Variants in MSH5 observed in about 807,000 individuals in gnomAD.
MSH5 encodes the protein mutS protein homolog 5.
In MSH5, 78 loss-of-function variants were observed where a neutral mutation model predicts 107.7. That is an observed-to-expected ratio of 0.72 (90% CI 0.60 to 0.87). MSH5 has a LOEUF of 0.87. Ranked by LOEUF, MSH5 falls within the 40% of genes least tolerant of loss-of-function variation. The pLI is 0.00. For synonymous variants in MSH5, 326 were observed against 399.5 expected (o/e 0.82, Z 2.19); for missense variants, 889 against 1,046.6 (o/e 0.85, Z 2.08).
chr6:31,755,337 C>CATTTATTTATTTATTT (rs60849631), intron 12 of MSH5, among the ~76,000 whole-genome samples: 71 of 145,016 alleles, frequency 4.9e-4, no homozygotes, highest in Admixed American at 1.3e-3. Flanking sequence ...TTTTTGCTTG[C>CATTTATTTATTTATTT]ATTTATTTAT....
Position 31,761,862 on chromosome 6 carries a change from T to A in MSH5, c.2226T>A (p.Tyr742Ter). Residue 742 changes from tyrosine to a stop codon, truncating the protein, a stop_gained, in exon 23 of 25, where the codon TAT becomes TAA. Coordinates refer to ENST00000375750, the MANE Select transcript of MSH5 (RefSeq NM_172166.4). LOFTEE classifies it high-confidence loss of function. This position sits in a 1 kb window ranked among gnomAD's most constrained non-coding sequence, Gnocchi z 5.3. Reference sequence around the variant, plus strand: ...ATGGCAACGATCTTGTCTTCTTCTATCAGGTTTGCGAAGGTGTTGCGAAGG... The same window carrying A: ...ATGGCAACGATCTTGTCTTCTTCTAACAGGTTTGCGAAGGTGTTGCGAAGG... ...CEDGNDLVFF[Y>*]QVCEGVAKAS... 1.2e-6 allele frequency: 2 copies of A among 1,613,094 alleles called. No homozygotes were observed. The highest frequency in any genetic ancestry group is 1.7e-6 in the Non-Finnish European group (2 of 1,180,028).
At position 31,758,776 on chromosome 6, in the gene MSH5, A is replaced by T; in HGVS notation, c.1227A>T (p.Arg409Ser). Reference sequence around the variant, plus strand: ...CTTCCACCCTCGTAGAAAAGCGAAGACTGATGGGACTTCCCAGTTTCCTTA... The same window carrying T: ...CTTCCACCCTCGTAGAAAAGCGAAGTCTGATGGGACTTCCCAGTTTCCTTA... ...IDPEIDEKKR[R>S]LMGLPSFLTE... The change falls in exon 15 of 25, where the codon AGA becomes AGT. Residue 409 changes from arginine to serine, a missense_variant. Arg to Ser is a moderately radical substitution (Grantham distance 110). Coordinates refer to ENST00000375750, the MANE Select transcript of MSH5 (RefSeq NM_172166.4). The surrounding 1 kb of genome is among the most constrained non-coding windows in gnomAD (Gnocchi z 5.1). 6.2e-7 allele frequency: 1 copy of T among 1,614,140 alleles called. No homozygotes were observed. Among genetic ancestry groups the T allele is most frequent in the Non-Finnish European group, 8.5e-7 (1 of 1,180,028 alleles).
At chr6:31,747,897 A>G (rs930361018) in intron 10 of MSH5, among the ~76,000 whole-genome samples, 4 of 152,016 alleles carry the variant, frequency 2.6e-5, no homozygotes, top group African/African-American at 9.7e-5. Context: ...CCAGCTACTC[A>G]GGAGACTAAG....
At position 31,753,640 on chromosome 6, in the gene MSH5, CCTT is replaced by C; in HGVS notation, c.1014+15_1014+17del. On this transcript the variant is annotated intron_variant, in intron 12 of 24. Transcript: ENST00000375750. The stretch of plus-strand genomic sequence containing the variant: ...CAGGTTCTCTACAAGGTAAGGCCTT[CCTT>C]CTTGAATCCCAAAAGTCCAGGTAAA... 6.2e-7 allele frequency: 1 copy of C among 1,613,922 alleles called. No individual in the cohort carries two copies. Among genetic ancestry groups the C allele is most frequent in the Non-Finnish European group, 8.5e-7 (1 of 1,179,840 alleles).
intron 12 of MSH5, 72 bp downstream of exon 12, chr6:31,753,701 C>A: frequency 7.3e-7 from 1 of 1,376,110 alleles, no homozygotes; most frequent in South Asian, 1.2e-5. Flanking sequence ...CTGTCTGTAC[C>A]CTAGACATGC....
chr6:31,753,047 A>G (rs1372595247), intron 10 of MSH5, among the ~76,000 whole-genome samples: 1 of 152,234 alleles, frequency 6.6e-6, no homozygotes, highest in African/African-American at 2.4e-5. Flanking sequence ...ACTTATATAC[A>G]TGGAATGACA....
chr6:31,753,807 C>T (rs1468072257), intron 12 of MSH5, 178 bp downstream of exon 12: 6 of 590,248 alleles, frequency 1.0e-5, no homozygotes, highest in East Asian at 2.9e-5. Context: ...TGGCTCACTG[C>T]AACCTCCGCC....
At position 31,760,375 on chromosome 6, in the gene MSH5, G is replaced by A. The variant is rs1469385715; in HGVS notation, c.1812+159G>A. 1.3e-5 allele frequency among the ~76,000 whole-genome samples: 2 copies of A among 152,142 alleles called. No homozygotes were observed. Among genetic ancestry groups the A allele is most frequent in the Non-Finnish European group, 2.9e-5 (2 of 68,028 alleles). Reference sequence around the variant, plus strand: ...ACATCCCTGTGCTTCCACCTCACATGTTCTTATTCTCCACTGGAGAGCCAT... The same window carrying A: ...ACATCCCTGTGCTTCCACCTCACATATTCTTATTCTCCACTGGAGAGCCAT... On this transcript the variant is annotated intron_variant, in intron 19 of 24. Coordinates refer to ENST00000375750, the MANE Select transcript of MSH5 (RefSeq NM_172166.4). This position sits in a 1 kb window ranked among gnomAD's most constrained non-coding sequence, Gnocchi z 5.6.
rs760589367 is a variant in MSH5, at chr6:31,760,378, C to CT, written c.1812+164dup. ...TCCCTGTGCTTCCACCTCACATGTTCTTATTCTCCACTGGAGAGCCATGCT... is the reference window on the plus strand; with the variant it reads ...TCCCTGTGCTTCCACCTCACATGTTCTTTATTCTCCACTGGAGAGCCATGCT... On this transcript the variant is annotated intron_variant, in intron 19 of 24. Coordinates refer to ENST00000375750, the MANE Select transcript of MSH5 (RefSeq NM_172166.4). The surrounding 1 kb of genome is among the most constrained non-coding windows in gnomAD (Gnocchi z 5.6). Among the ~76,000 whole-genome samples, 4 of 152,202 alleles carry CT rather than the reference C, an allele frequency of 2.6e-5. No homozygotes were observed. The highest frequency in any genetic ancestry group is 4.4e-5 in the Non-Finnish European group (3 of 68,048).
Position 31,740,994 on chromosome 6 carries a change from A to C in MSH5, c.148-169A>C, listed in dbSNP as rs1448339517. Reference sequence around the variant, plus strand: ...AAAGAAAAAAAAAACAGGGTTGGGAAGAGCTGGGCAAGTCTCTTACCTCCT... The same window carrying C: ...AAAGAAAAAAAAAACAGGGTTGGGACGAGCTGGGCAAGTCTCTTACCTCCT... On this transcript the variant is annotated intron_variant, in intron 2 of 24. Coordinates refer to ENST00000375750, the MANE Select transcript of MSH5 (RefSeq NM_172166.4). The surrounding 1 kb of genome is among the most constrained non-coding windows in gnomAD (Gnocchi z 4.4). Among the ~76,000 whole-genome samples the C allele has an allele frequency of 6.6e-6, 1 of 152,030 alleles. No individual in the cohort carries two copies. The highest frequency in any genetic ancestry group is 1.9e-4 in the East Asian group (1 of 5,192).
At chr6:31,753,730 C>CCA in intron 12 of MSH5, 101 bp downstream of exon 12, 7 of 1,170,132 alleles carry the variant, frequency 6.0e-6, no homozygotes, top group Non-Finnish European at 8.7e-6. Context: ...TTTATTCTAC[C>CCA]CTCTTTTTTT....
At chr6:31,744,480 G>A (rs1455993808) in intron 7 of MSH5, 66 bp from the exon 8 acceptor site, 2 of 1,584,210 alleles carry the variant, frequency 1.3e-6, no homozygotes, top group Non-Finnish European at 8.7e-7. Flanking sequence ...CAGAGAGGGG[G>A]ACAAAGGAAG....
Position 31,760,568 on chromosome 6 carries a change from G to A in MSH5, c.1813-122G>A. On this transcript the variant is annotated intron_variant, in intron 19 of 24. Transcript: ENST00000375750. The surrounding 1 kb of genome is among the most constrained non-coding windows in gnomAD (Gnocchi z 5.6). The stretch of plus-strand genomic sequence containing the variant: ...GAGGAGAGACAGAGTCAGTGTGTCT[G>A]TTACCTATTTCTCCTGTTTCACCCT... 2.3e-6 allele frequency: 3 copies of A among 1,293,844 alleles called. No individual in the cohort carries two copies. Among genetic ancestry groups the A allele is most frequent in the South Asian group, 1.2e-5 (1 of 82,678 alleles). The allele number at this position is 1,293,844 out of a possible 1,614,324, so 80.1% of individuals were successfully genotyped here. A position where few individuals can be genotyped will look rare whatever the true frequency, so the allele number is the denominator to read the frequency against.
chr6:31,745,134 T>C (rs1809308573), intron 8 of MSH5, 103 bp from the exon 9 acceptor site: 4 of 620,942 alleles, frequency 6.4e-6, no homozygotes, highest in Non-Finnish European at 1.1e-5. Flanking sequence ...AAAGACGTGA[T>C]CTCAGGAGGA....
chr6:31,747,360 GT>G, intron 9 of MSH5, 26 bp from the exon 10 acceptor site: 1 of 1,612,544 alleles, frequency 6.2e-7, no homozygotes. Flanking sequence ...CTTGTAACAA[GT>G]TCACTCCCTG....
At chr6:31,750,237 T>C (rs186769983) in intron 10 of MSH5, among the ~76,000 whole-genome samples, 4 of 152,354 alleles carry the variant, frequency 2.6e-5, no homozygotes, top group Admixed American at 2.0e-4. Context: ...TTTATTTTAA[T>C]TTATTAGGAA....
At chr6:31,741,314 C>T in intron 3 of MSH5, 28 bp downstream of exon 3, 4 of 1,597,560 alleles carry the variant, frequency 2.5e-6, no homozygotes, top group Non-Finnish European at 3.4e-6. Context: ...AATTCCTCTG[C>T]TCTCTGGGAT....
chr6:31,743,942 T>G lies in MSH5; in HGVS notation c.454T>G (p.Tyr152Asp). 1 of 1,613,618 alleles carries G rather than the reference T, an allele frequency of 6.2e-7. No homozygotes were observed. Among genetic ancestry groups the G allele is most frequent in the Non-Finnish European group, 8.5e-7 (1 of 1,180,038 alleles). Reference protein sequence around the residue: ...ISKQRLLSGNYSFIPDAMTAT... With the variant: ...ISKQRLLSGNDSFIPDAMTAT... Reference sequence around the variant, plus strand: ...CAAACAACGCCTCCTTTCTGGAAACTACTCCTTCATCCCAGACGCCATGAC... The same window carrying G: ...CAAACAACGCCTCCTTTCTGGAAACGACTCCTTCATCCCAGACGCCATGAC... Residue 152 changes from tyrosine (Y) to aspartate (D), a missense_variant, in exon 6 of 25, where the codon TAC becomes GAC. Tyr to Asp is a radical substitution (Grantham distance 160). Transcript: ENST00000375750.
chr6:31,740,829 C>T lies in MSH5; in HGVS notation c.147+216C>T, dbSNP rs1193351468. ...TATAAAAATTAGCCGAGCGTGGTGG[C>T]ACGTGCCTGTTATCCCAGCTACTGG... is the stretch of plus-strand genomic sequence containing the variant. On this transcript the variant is annotated intron_variant, in intron 2 of 24. Coordinates refer to ENST00000375750, the MANE Select transcript of MSH5 (RefSeq NM_172166.4). The surrounding 1 kb of genome is among the most constrained non-coding windows in gnomAD (Gnocchi z 4.4). Among the ~76,000 whole-genome samples the T allele has an allele frequency of 2.6e-5, 4 of 152,078 alleles. No homozygotes were observed. The highest frequency in any genetic ancestry group is 4.4e-5 in the Non-Finnish European group (3 of 68,002).
Sources: allele counts gnomAD v4.1 joint callset (sites outside exome capture counted in the v4.1 genomes callset), GRCh38; gene constraint gnomAD v4.1.1; non-coding constraint Gnocchi (gnomAD v3.1); transcripts MANE v1.5; gene names NCBI Gene and HGNC (gene_info 2026-07-23, HGNC 2026-07-21).